PTPRD: variants seen among roughly 807,000 people sequenced by gnomAD.
The protein encoded by PTPRD is receptor-type tyrosine-protein phosphatase delta.
A neutral mutation model predicts 214.5 loss-of-function variants in PTPRD; 34 were observed. That is an observed-to-expected ratio of 0.16 (90% CI 0.12 to 0.21). The LOEUF is 0.21. PTPRD is among the 10% of genes least tolerant of loss of function. The pLI is 1.00. For missense variants in PTPRD, 2,545 were observed against 2,398.7 expected, an observed-to-expected ratio of 1.06 and a Z score of -1.27; for synonymous variants, 1,128 against 845.7, an observed-to-expected ratio of 1.33 and a Z score of -5.79.
chr9:8,639,394 G>A (rs1027801382), intron 12 of PTPRD, among the ~76,000 whole-genome samples: 1 of 151,950 alleles, frequency 6.6e-6, no homozygotes, highest in African/African-American at 2.4e-5. Flanking sequence ...GTACAATACT[G>A]TCATTTTTAG....
intron 2 of PTPRD, among the ~76,000 whole-genome samples, chr9:10,343,889 C>T (rs979894816): frequency 2.0e-5 from 3 of 146,762 alleles, no homozygotes; most frequent in Admixed American, 7.0e-5. Context: ...TTGAGCTCTT[C>T]GTAGATTCTG....
chr9:8,674,045 G>T (rs1284757374), intron 12 of PTPRD, among the ~76,000 whole-genome samples: 1 of 152,094 alleles, frequency 6.6e-6, no homozygotes, highest in Non-Finnish European at 1.5e-5. Context: ...TCCCTTCACT[G>T]TGTCACATTG....
At chr9:8,323,151 C>T (rs1319473361) in intron 44 of PTPRD, among the ~76,000 whole-genome samples, 2 of 152,124 alleles carry the variant, frequency 1.3e-5, no homozygotes, top group Non-Finnish European at 1.5e-5. Flanking sequence ...GTTGACTGAA[C>T]ATTTTAAGGC....
intron 7 of PTPRD, among the ~76,000 whole-genome samples, chr9:9,606,545 T>C (rs1175572575): frequency 2.6e-5 from 4 of 152,094 alleles, no homozygotes; most frequent in African/African-American, 9.7e-5. Flanking sequence ...TATTACAATA[T>C]CTGGCAATCT....
intron 7 of PTPRD, among the ~76,000 whole-genome samples, chr9:9,728,517 T>TA (rs1400716148): frequency 6.6e-6 from 1 of 152,054 alleles, no homozygotes; most frequent in Non-Finnish European, 1.5e-5. Flanking sequence ...TCCTAAAAAG[T>TA]AAAAATGAAA....
At chr9:9,975,130 TAC>T (rs1394043835) in intron 4 of PTPRD, among the ~76,000 whole-genome samples, 1 of 152,180 alleles carries the variant, frequency 6.6e-6, no homozygotes, top group Non-Finnish European at 1.5e-5. Context: ...CGCTCCCATT[TAC>T]AGAGGGCACA....
chr9:9,368,928 C>G (rs1342980923), intron 9 of PTPRD, among the ~76,000 whole-genome samples: 1 of 151,888 alleles, frequency 6.6e-6, no homozygotes, highest in Admixed American at 6.6e-5. Context: ...CACCCCACAA[C>G]AGTCCCCAGT....
At chr9:8,460,375 C>T in intron 33 of PTPRD, 36 bp downstream of exon 33, 1 of 1,607,066 alleles carries the variant, frequency 6.2e-7, no homozygotes, top group Non-Finnish European at 8.5e-7. Context: ...ATAAGGCAGC[C>T]TCCAAAATTA....
chr9:9,428,660 A>C (rs977656142), intron 8 of PTPRD, among the ~76,000 whole-genome samples: 20 of 152,126 alleles, frequency 1.3e-4, no homozygotes, highest in Non-Finnish European at 2.2e-4. Context: ...GAAGTAAAGC[A>C]CTCCTCAGAA....
chr9:9,074,328 C>T (rs2099747899), intron 10 of PTPRD, among the ~76,000 whole-genome samples: 1 of 151,960 alleles, frequency 6.6e-6, no homozygotes, highest in South Asian at 2.1e-4. Context: ...ACAAGTAAAA[C>T]ACAATTTGTA....
intron 17 of PTPRD, 127 bp from the exon 18 acceptor site, chr9:8,525,162 T>A (rs1363507019): frequency 1.2e-6 from 1 of 811,196 alleles, no homozygotes; most frequent in Non-Finnish European, 2.2e-6. Flanking sequence ...CGATTCAATC[T>A]CTTGCTAAGT....
rs544439078 is a variant in PTPRD, at chr9:9,982,764, A to G, written c.-471-44154T>C. On this transcript the variant is annotated intron_variant, in intron 4 of 45. Transcript: ENST00000381196. ...GTCCTAAAAATTAAAAAAATAAAAT[A>G]AAATAAAAGCTTAATGAAGCAAGGA... Among the ~76,000 whole-genome samples, 27 of 152,268 alleles carry G rather than the reference A, an allele frequency of 1.8e-4. No individual in the cohort carries two copies. The East Asian group carries it at 3.1e-3, about 17-fold the overall frequency.
intron 14 of PTPRD, among the ~76,000 whole-genome samples, chr9:8,583,474 C>T (rs1050965395): frequency 2.0e-5 from 3 of 152,086 alleles, no homozygotes; most frequent in South Asian, 2.1e-4. Context: ...CACAAGCCAC[C>T]ACGCATGGCT....
At chr9:9,293,220 T>A (rs1311966435) in intron 9 of PTPRD, among the ~76,000 whole-genome samples, 2 of 151,642 alleles carry the variant, frequency 1.3e-5, no homozygotes, top group Non-Finnish European at 3.0e-5. Context: ...TTCATTTACC[T>A]ATTTAATCAT....
At chr9:10,082,172 C>T (rs187448904) in intron 3 of PTPRD, among the ~76,000 whole-genome samples, 2 of 152,200 alleles carry the variant, frequency 1.3e-5, no homozygotes, top group Admixed American at 1.3e-4. Flanking sequence ...TTTCACAAAT[C>T]TACTTTCCTG....
intron 14 of PTPRD, among the ~76,000 whole-genome samples, chr9:8,556,188 A>C (rs1466648872): frequency 3.9e-5 from 6 of 152,238 alleles, no homozygotes; most frequent in African/African-American, 1.2e-4. Context: ...TCTTCAATGA[A>C]ATGCAGATTA....
At chr9:10,511,569 ATTTT>A (rs66768632) in intron 2 of PTPRD, among the ~76,000 whole-genome samples, 73 of 127,864 alleles carry the variant, frequency 5.7e-4, no homozygotes, top group South Asian at 1.7e-3. Flanking sequence ...ACACCCTGGT[ATTTT>A]TTTTTTTTTT....
At chr9:9,954,186 C>T (rs540408103) in intron 4 of PTPRD, among the ~76,000 whole-genome samples, 2 of 148,672 alleles carry the variant, frequency 1.3e-5, no homozygotes, top group South Asian at 4.3e-4. Context: ...ATCCCAGCTA[C>T]TTGGGAGGCT....
chr9:9,794,936 T>C (rs777848080), intron 5 of PTPRD, among the ~76,000 whole-genome samples: 48 of 152,222 alleles, frequency 3.2e-4, no homozygotes, highest in Non-Finnish European at 6.8e-4. Context: ...TGCAATCATC[T>C]AAACCAGAAA....
Sources: allele counts gnomAD v4.1 joint callset (sites outside exome capture counted in the v4.1 genomes callset), GRCh38; gene constraint gnomAD v4.1.1; transcripts MANE v1.5; gene names NCBI Gene and HGNC (gene_info 2026-07-23, HGNC 2026-07-21).